The following TAAR5 variants were observed in gnomAD, a reference collection of about 807,000 sequenced individuals.
The protein encoded by TAAR5 is trace amine associated receptor 5.
Under a neutral mutation model 21.1 loss-of-function variants are expected in TAAR5, and 27 were observed. That is an observed-to-expected ratio of 1.28 (90% CI 0.94 to 1.76). TAAR5 has a LOEUF of 1.76. Ranked by LOEUF, TAAR5 falls within the 40% of genes most tolerant of loss-of-function variation. TAAR5 has a pLI of 0.00. For synonymous variants in TAAR5, 203 were observed against 167.5 expected (o/e 1.21, Z -1.64); for missense variants, 495 against 405.6 (o/e 1.22, Z -1.89).
At chr6:132,614,280 A>T in the TAAR5 span, among the ~76,000 whole-genome samples, 3 of 152,232 alleles carry the variant, frequency 2.0e-5, no homozygotes, top group African/African-American at 4.8e-5. Context: ...AACTACATTT[A>T]CTGAATCATG....
chr6:132,603,561 A>G, the TAAR5 span, among the ~76,000 whole-genome samples: 1 of 151,668 alleles, frequency 6.6e-6, no homozygotes, highest in African/African-American at 2.4e-5. Context: ...AATGATCTTT[A>G]TATATTTGTC....
chr6:132,608,135 A>C, the TAAR5 span: 1 of 353,698 alleles, frequency 2.8e-6, no homozygotes, highest in Non-Finnish European at 5.5e-6. Flanking sequence ...TGATTACTGA[A>C]ATTTAATAGT....
the TAAR5 span, among the ~76,000 whole-genome samples, chr6:132,603,439 G>A: frequency 6.6e-6 from 1 of 151,194 alleles, no homozygotes; most frequent in Non-Finnish European, 1.5e-5. Flanking sequence ...GTAAATCTTG[G>A]GATATGTGCA....
upstream of TAAR5, among the ~76,000 whole-genome samples, chr6:132,590,131 A>C (rs17061477): frequency 0.19 from 29,284 of 152,142 alleles, 3,767 homozygotes; most frequent in South Asian, 0.33. Flanking sequence ...AAAGATCTGA[A>C]CCAAGTGACC....
the TAAR5 span, among the ~76,000 whole-genome samples, chr6:132,601,456 T>G: frequency 6.6e-6 from 1 of 152,212 alleles, no homozygotes; most frequent in Non-Finnish European, 1.5e-5. Flanking sequence ...TGCCCCTTGG[T>G]GGGCAGCAAG....
At chr6:132,599,398 G>T in the TAAR5 span, among the ~76,000 whole-genome samples, 2 of 136,784 alleles carry the variant, frequency 1.5e-5, no homozygotes, top group Admixed American at 8.4e-5. Context: ...GGTGGATCTT[G>T]GCTTGCTGCA....
chr6:132,589,734 C>G lies in TAAR5; in HGVS notation c.-48G>C, dbSNP rs376609104. 109 of 347,636 alleles carry G rather than the reference C, an allele frequency of 3.1e-4. 1 individual carries two copies. Among genetic ancestry groups the G allele is most frequent in the Non-Finnish European group, 3.7e-4 (80 of 216,080 alleles). The allele number at this position is 347,636 out of a possible 1,614,324, so 21.5% of individuals were successfully genotyped here. ...GTCTGAGAACTGGCCACCTTCTCCA[C>G]TGGAGGGCAAAAAAAAAAAAAAAAA... On this transcript the variant is annotated 5_prime_UTR_variant, in exon 1 of 1. Transcript: ENST00000258034.
upstream of TAAR5, among the ~76,000 whole-genome samples, chr6:132,591,946 C>T (rs910368585): frequency 8.5e-5 from 13 of 152,134 alleles, no homozygotes; most frequent in Admixed American, 8.5e-4. Context: ...CAGTCTCTGG[C>T]ATGTAGAAAG....
upstream of TAAR5, among the ~76,000 whole-genome samples, chr6:132,593,172 G>A (rs1311182660): frequency 6.6e-6 from 1 of 152,072 alleles, no homozygotes; most frequent in Non-Finnish European, 1.5e-5. Flanking sequence ...TACAGTCTTT[G>A]GTCAAAAATG....
Position 132,589,288 on chromosome 6 carries a change from G to A in TAAR5, c.399C>T (p.His133=), listed in dbSNP as rs1188653042. 2 of 1,612,572 alleles carry A rather than the reference G, an allele frequency of 1.2e-6. No homozygotes were observed. Among genetic ancestry groups the A allele is most frequent in the African/African-American group, 1.3e-5 (1 of 75,040 alleles). ...AGAGCAGGGGGTCACAGATGGCACA[G>A]TGGCGGTCAATGGAAATGAAACAGA... is the stretch of plus-strand genomic sequence containing the variant. ...FHLCFISIDR[H]CAICDPLLYP... is the part of the protein sequence containing the mutation. The change falls in exon 1 of 1, where the codon CAC becomes CAT. Residue 133 remains histidine, a synonymous_variant. Coordinates refer to ENST00000258034, the MANE Select transcript of TAAR5 (RefSeq NM_003967.3).
At chr6:132,614,058 T>C in the TAAR5 span, among the ~76,000 whole-genome samples, 1 of 152,238 alleles carries the variant, frequency 6.6e-6, no homozygotes, top group Non-Finnish European at 1.5e-5. Context: ...GCTATTAGTG[T>C]TCCACTTCTT....
rs1776847909 is a variant in TAAR5 at position 132,588,602 on chromosome 6, C to T, written c.*71G>A. The T allele has an allele frequency of 1.8e-5, 28 of 1,521,094 alleles. No individual in the cohort carries two copies. The Middle Eastern group carries it at 5.7e-4, about 31-fold the overall frequency. The allele number at this position is 1,521,094 out of a possible 1,614,324, so 94.2% of individuals were successfully genotyped here. A position where few individuals can be genotyped will look rare whatever the true frequency, so the allele number is the denominator to read the frequency against. On this transcript the variant is annotated 3_prime_UTR_variant, in exon 1 of 1. Coordinates refer to ENST00000258034, the MANE Select transcript of TAAR5 (RefSeq NM_003967.3). ...GCATGCCCACAAACTCAACACCACA[C>T]AGCCCACGGTCACAGTGCCACTTAT...
At chr6:132,593,062 G>A (rs1037818702), upstream of TAAR5, among the ~76,000 whole-genome samples, 3 of 152,154 alleles carry the variant, frequency 2.0e-5, no homozygotes, top group African/African-American at 4.8e-5. Context: ...CGATCTTCAG[G>A]AAGTTGGCTT....
At chr6:132,611,379 G>A in the TAAR5 span, among the ~76,000 whole-genome samples, 9 of 151,944 alleles carry the variant, frequency 5.9e-5, no homozygotes, top group Admixed American at 5.9e-4. Context: ...AGCACATTAG[G>A]GTGATTATAG....
chr6:132,595,959 T>A, the TAAR5 span, among the ~76,000 whole-genome samples: 1 of 152,226 alleles, frequency 6.6e-6, no homozygotes, highest in African/African-American at 2.4e-5. Flanking sequence ...CTGCCACTTA[T>A]GACATACTAT....
rs1487242028 is a variant in TAAR5, at chr6:132,588,892, C to G, written c.795G>C (p.Trp265Cys). Residue 265 changes from tryptophan (W) to cysteine (C), a missense_variant, in exon 1 of 1, where the codon TGG becomes TGC. Coordinates refer to ENST00000258034, the MANE Select transcript of TAAR5 (RefSeq NM_003967.3). The part of the protein sequence containing the change: ...GIAVGIYLLC[W>C]LPFTIDTMVD... ...CCATCGTGTCTATGGTGAAGGGCAG[C>G]CAGCACAAGAGGTATATGCCCACAG... 1 of 1,614,096 alleles carries G rather than the reference C, an allele frequency of 6.2e-7. No individual in the cohort carries two copies. Among genetic ancestry groups the G allele is most frequent in the East Asian group, 2.2e-5 (1 of 44,866 alleles).
chr6:132,588,781 G>T lies in TAAR5; in HGVS notation c.906C>A (p.Pro302=). 1 of 1,614,034 alleles carries T rather than the reference G, an allele frequency of 6.2e-7. No individual in the cohort carries two copies. The highest frequency in any genetic ancestry group is 1.3e-5 in the African/African-American group (1 of 75,020). ...ACTGGTAGGAAAAGACATAGATGAT[G>T]GGGTTGCAGGCTGAGTTGAAGTAAG... ...WFAYFNSACN[P]IIYVFSYQWF... is the part of the protein sequence containing the mutation. The change falls in exon 1 of 1, where the codon CCC becomes CCA. Residue 302 remains proline, a synonymous_variant. Transcript: ENST00000258034.
At chr6:132,590,388 C>CTATT (rs931750717), upstream of TAAR5, among the ~76,000 whole-genome samples, 7 of 152,198 alleles carry the variant, frequency 4.6e-5, no homozygotes, top group Admixed American at 2.6e-4. Flanking sequence ...CTTGGTATAA[C>CTATT]TATTTGATAG....
chr6:132,596,717 C>T, the TAAR5 span, among the ~76,000 whole-genome samples: 5 of 151,798 alleles, frequency 3.3e-5, no homozygotes, highest in African/African-American at 7.3e-5. Context: ...AAACACCAAG[C>T]CATAGGGAAA....
Sources: allele counts gnomAD v4.1 joint callset (sites outside exome capture counted in the v4.1 genomes callset), GRCh38; gene constraint gnomAD v4.1.1; transcripts MANE v1.5; gene names NCBI Gene and HGNC (gene_info 2026-07-23, HGNC 2026-07-21).